Variants in CDKN2B-AS1 observed in about 807,000 individuals in gnomAD.
CDKN2B-AS1 encodes CDKN2B antisense RNA 1 (non-protein coding).
In CDKN2B-AS1 at chr9:22,006,247, C is replaced by A. The variant is rs748720669; in HGVS notation, n.29+11086C>A. On this transcript the variant is annotated intron_variant and non_coding_transcript_variant, in intron 1 of 4. Transcript: ENST00000650946. The surrounding 1 kb of genome is among the most constrained non-coding windows in gnomAD (Gnocchi z 6.4). ...ACGCGGGCGCTGCCCATCATCATGACCTGCCAGAGAGAGCAGAGTGGTCAG... is the reference window on the plus strand; with the variant it reads ...ACGCGGGCGCTGCCCATCATCATGAACTGCCAGAGAGAGCAGAGTGGTCAG... The A allele has an allele frequency of 6.2e-7, 1 of 1,604,614 alleles. No individual in the cohort carries two copies. The highest frequency in any genetic ancestry group is 2.2e-5 in the East Asian group (1 of 44,892).
rs979313680 is a variant in CDKN2B-AS1, at chr9:22,000,065, C to T, written n.29+4904C>T. 2.0e-5 allele frequency among the ~76,000 whole-genome samples: 3 copies of T among 152,020 alleles called. No homozygotes were observed. Among genetic ancestry groups the T allele is most frequent in the African/African-American group, 7.2e-5 (3 of 41,390 alleles). The stretch of plus-strand genomic sequence containing the variant: ...CTTTCTGGACTGTTTGAAAGTTTAC[C>T]ATGAGCAAGAATTATTAAATAACAA... On this transcript the variant is annotated intron_variant and non_coding_transcript_variant, in intron 1 of 4. Transcript: ENST00000650946. This position sits in a 1 kb window ranked among gnomAD's most constrained non-coding sequence, Gnocchi z 4.1.
At chr9:22,050,645 G>C (rs1823307137) in intron 3 of CDKN2B-AS1, among the ~76,000 whole-genome samples, 1 of 152,204 alleles carries the variant, frequency 6.6e-6, no homozygotes, top group Non-Finnish European at 1.5e-5. Context: ...AGCTTCTTCT[G>C]TAGCAGTTTT....
At position 22,000,244 on chromosome 9, in the gene CDKN2B-AS1, G is replaced by C. The variant is rs1340921626; in HGVS notation, n.29+5083G>C. 2.0e-5 allele frequency among the ~76,000 whole-genome samples: 3 copies of C among 152,112 alleles called. No individual in the cohort carries two copies. Among genetic ancestry groups the C allele is most frequent in the Non-Finnish European group, 4.4e-5 (3 of 67,998 alleles). On this transcript the variant is annotated intron_variant and non_coding_transcript_variant, in intron 1 of 4. Transcript: ENST00000650946. The surrounding 1 kb of genome is among the most constrained non-coding windows in gnomAD (Gnocchi z 4.1). Reference sequence around the variant, plus strand: ...CTGAAATGGAAGGGGTTTTAAACTTGTTGTCCTCAAATGACTACTGAGGCA... The same window carrying C: ...CTGAAATGGAAGGGGTTTTAAACTTCTTGTCCTCAAATGACTACTGAGGCA...
Position 22,062,976 on chromosome 9 carries a change from G to GACACACACACACACAC in CDKN2B-AS1, n.438+6600_438+6601insCACACACACACACACA, listed in dbSNP as rs534087244. ...GACTTGTGTGTGTGTGTGAAAGACA[G>GACACACACACACACAC]ACACACACACATATATATATATAGA... On this transcript the variant is annotated intron_variant and non_coding_transcript_variant, in intron 4 of 4. Coordinates refer to ENST00000650946, the Ensembl canonical transcript of CDKN2B-AS1. Among the ~76,000 whole-genome samples the GACACACACACACACAC allele has an allele frequency of 1.6e-3, 199 of 125,314 alleles. 2 individuals carry two copies. Among genetic ancestry groups the GACACACACACACACAC allele is most frequent in the East Asian group, 6.0e-3 (23 of 3,820 alleles). 82.2% of individuals were successfully genotyped at this position (125,314 alleles called of 152,430 possible).
At chr9:22,037,194 T>A (rs915060688) in intron 1 of CDKN2B-AS1, among the ~76,000 whole-genome samples, 20 of 152,096 alleles carry the variant, frequency 1.3e-4, no homozygotes, top group African/African-American at 4.8e-4. Context: ...AAACTAGCAA[T>A]TCTCATTTGG....
intron 4 of CDKN2B-AS1, among the ~76,000 whole-genome samples, chr9:22,063,441 ACAAGAG>A (rs1215013273): frequency 1.3e-5 from 2 of 152,252 alleles, no homozygotes; most frequent in African/African-American, 4.8e-5. Flanking sequence ...TAAAATACCT[ACAAGAG>A]TAGGAGATAG....
chr9:22,099,834 A>G (rs1825422030), intron 4 of CDKN2B-AS1, among the ~76,000 whole-genome samples: 1 of 152,220 alleles, frequency 6.6e-6, no homozygotes, highest in Admixed American at 6.5e-5. Context: ...GTATGTATTC[A>G]TAAAGTTAAT....
At chr9:22,120,611 T>G (rs1007422562) in intron 4 of CDKN2B-AS1, 3 of 152,148 alleles carry the variant, frequency 2.0e-5, no homozygotes, top group African/African-American at 7.2e-5. Context: ...TAATGGTTTT[T>G]TTAAAAAAAT....
intron 1 of CDKN2B-AS1, among the ~76,000 whole-genome samples, chr9:22,033,667 C>G (rs762113676): frequency 6.6e-6 from 1 of 152,136 alleles, no homozygotes; most frequent in African/African-American, 2.4e-5. Context: ...AGTATGCAGC[C>G]AGCAGATTAT....
intron 4 of CDKN2B-AS1, among the ~76,000 whole-genome samples, chr9:22,103,729 A>G (rs997638577): frequency 2.0e-5 from 3 of 152,252 alleles, no homozygotes; most frequent in African/African-American, 7.2e-5. Flanking sequence ...ATTTGAGTAG[A>G]CAGCCAACCC....
intron 4 of CDKN2B-AS1, among the ~76,000 whole-genome samples, chr9:22,071,059 T>C (rs1346131936): frequency 1.3e-5 from 2 of 152,074 alleles, no homozygotes; most frequent in Non-Finnish European, 2.9e-5. Flanking sequence ...CTGAAACGTC[T>C]ATTTCTGTAC....
intron 4 of CDKN2B-AS1, among the ~76,000 whole-genome samples, chr9:22,115,603 C>T (rs1452883971): frequency 6.6e-6 from 1 of 152,092 alleles, no homozygotes; most frequent in African/African-American, 2.4e-5. Context: ...TGCCCTAGTT[C>T]CAGAGTGTTT....
At chr9:22,084,040 A>C (rs746686404) in intron 4 of CDKN2B-AS1, among the ~76,000 whole-genome samples, 6 of 152,216 alleles carry the variant, frequency 3.9e-5, no homozygotes, top group Non-Finnish European at 7.3e-5. Flanking sequence ...TACCTTTCTT[A>C]ACAGTTCCTT....
At chr9:22,019,318 C>T (rs55922618) in intron 1 of CDKN2B-AS1, among the ~76,000 whole-genome samples, 8,567 of 152,130 alleles carry the variant, frequency 0.056, 798 homozygotes, top group African/African-American at 0.19. Context: ...AGGGGAGAGG[C>T]AAGAGTGGAT....
chr9:22,010,070 T>G (rs1563918256), intron 1 of CDKN2B-AS1, among the ~76,000 whole-genome samples: 1 of 152,196 alleles, frequency 6.6e-6, no homozygotes, highest in Non-Finnish European at 1.5e-5. Context: ...CTCTTACCTA[T>G]TTAAACCCAC....
rs181993052 is a variant in CDKN2B-AS1 at position 22,122,636 on chromosome 9, C to A, written n.439-4467C>A. ...TATAGATATCCAGTTTTCCCAGCACCATTCGTTGAGGAGACTGTCCTTTAC... is the reference window on the plus strand; with the variant it reads ...TATAGATATCCAGTTTTCCCAGCACAATTCGTTGAGGAGACTGTCCTTTAC... On this transcript the variant is annotated intron_variant and non_coding_transcript_variant, in intron 4 of 4. Coordinates refer to ENST00000650946, the Ensembl canonical transcript of CDKN2B-AS1. 1.4e-3 allele frequency among the ~76,000 whole-genome samples: 208 copies of A among 152,204 alleles called. 7 individuals are homozygous for A. The highest frequency in any genetic ancestry group is 1.3e-3 in the Non-Finnish European group (86 of 67,992).
chr9:22,050,014 G>T (rs575189062), intron 3 of CDKN2B-AS1, among the ~76,000 whole-genome samples: 136 of 152,228 alleles, frequency 8.9e-4, no homozygotes, highest in African/African-American at 2.7e-3. Flanking sequence ...CTCAAACCAA[G>T]GGGTGAATTT....
chr9:22,025,267 G>A (rs559010712), intron 1 of CDKN2B-AS1, among the ~76,000 whole-genome samples: 115 of 152,312 alleles, frequency 7.6e-4, no homozygotes, highest in African/African-American at 2.6e-3. Context: ...GCAGCTGGGG[G>A]GTGGGGTGGG....
Position 22,100,940 on chromosome 9 carries a change from C to T in CDKN2B-AS1, n.439-26163C>T, listed in dbSNP as rs868810438. ...CTTTCAAGTGCTTATTAACCATTCACGTGTCTTCTGTGATGAAATGTCTAT... is the reference window on the plus strand; with the variant it reads ...CTTTCAAGTGCTTATTAACCATTCATGTGTCTTCTGTGATGAAATGTCTAT... On this transcript the variant is annotated intron_variant and non_coding_transcript_variant, in intron 4 of 4. Coordinates refer to ENST00000650946, the Ensembl canonical transcript of CDKN2B-AS1. Among the ~76,000 whole-genome samples, 9 of 152,278 alleles carry T rather than the reference C, an allele frequency of 5.9e-5. No individual in the cohort carries two copies. The South Asian group carries it at 1.2e-3, about 21-fold the overall frequency.
Sources: allele counts gnomAD v4.1 joint callset (sites outside exome capture counted in the v4.1 genomes callset), GRCh38; gene constraint gnomAD v4.1.1; non-coding constraint Gnocchi (gnomAD v3.1); transcripts MANE v1.5; gene names NCBI Gene and HGNC (gene_info 2026-07-23, HGNC 2026-07-21).